The following PRRC2A variants were observed in gnomAD, a reference collection of about 807,000 sequenced individuals.
PRRC2A encodes the protein proline rich coiled-coil 2A, also known as protein PRRC2A.
A neutral mutation model predicts 224.6 loss-of-function variants in PRRC2A; 59 were observed. That is an observed-to-expected ratio of 0.26 (90% CI 0.21 to 0.33). The LOEUF (loss-of-function observed/expected upper bound fraction) is 0.33, where lower values mean the gene tolerates loss of function less well. Among genes scored for constraint, PRRC2A ranks in the 10% least tolerant of loss-of-function variants. The pLI is 1.00. For synonymous variants in PRRC2A, 1,194 were observed against 1,109.5 expected (o/e 1.08, Z -1.51); for missense variants, 3,095 against 2,880.7 (o/e 1.07, Z -1.70).
chr6:31,623,350 C>T, intron 2 of PRRC2A: 1 of 403,552 alleles, frequency 2.5e-6, no homozygotes, highest in Non-Finnish European at 4.6e-6. Flanking sequence ...TTACCACAAC[C>T]TCCACCTCCT....
intron 2 of PRRC2A, 42 bp downstream of exon 2, chr6:31,622,943 G>C: frequency 6.8e-7 from 1 of 1,476,438 alleles, no homozygotes. Context: ...TGAAAGCTAG[G>C]CATGCATGGG....
chr6:31,636,246 C>T lies in PRRC2A; in HGVS notation c.5662C>T (p.Pro1888Ser), dbSNP rs1777326373. 1 of 1,612,866 alleles carries T rather than the reference C, an allele frequency of 6.2e-7. No individual in the cohort carries two copies. The highest frequency in any genetic ancestry group is 8.5e-7 in the Non-Finnish European group (1 of 1,179,934). Residue 1888 changes from proline (P) to serine (S), a missense_variant, in exon 26 of 31, where the codon CCC becomes TCC. Pro to Ser is a moderately conservative substitution (Grantham distance 74). Coordinates refer to ENST00000376033, the MANE Select transcript of PRRC2A (RefSeq NM_004638.4). The surrounding 1 kb of genome is among the most constrained non-coding windows in gnomAD (Gnocchi z 4.3). Reference sequence around the variant, plus strand: ...ATACCTACCCCCCGGCCCAGCCCCTCCCTCAGCACTGCTCTCTGGGTTAGC... The same window carrying T: ...ATACCTACCCCCCGGCCCAGCCCCTTCCTCAGCACTGCTCTCTGGGTTAGC... ...PLYLPPGPAP[P>S]SALLSGLALK...
In PRRC2A at chr6:31,631,508, A is replaced by C; in HGVS notation, c.2835A>C (p.Pro945=). The C allele has an allele frequency of 6.2e-7, 1 of 1,602,792 alleles. No individual in the cohort carries two copies. The highest frequency in any genetic ancestry group is 1.3e-5 in the African/African-American group (1 of 74,222). The change falls in exon 16 of 31, where the codon CCA becomes CCC. Residue 945 remains proline, a synonymous_variant. Coordinates refer to ENST00000376033, the MANE Select transcript of PRRC2A (RefSeq NM_004638.4). The surrounding 1 kb of genome is among the most constrained non-coding windows in gnomAD (Gnocchi z 4.5). ...TCCCTCCAGAGGAGCCAGGGGCCCCACCCCGCCGGGCTGGGCCTATAAAGA... is the reference window on the plus strand; with the variant it reads ...TCCCTCCAGAGGAGCCAGGGGCCCCCCCCCGCCGGGCTGGGCCTATAAAGA... The part of the protein sequence containing the change: ...RGIPPEEPGA[P]PRRAGPIKKP...
At position 31,632,757 on chromosome 6, in the gene PRRC2A, G is replaced by A. The variant is rs115668528; in HGVS notation, c.4084G>A (p.Val1362Ile). 1.9e-5 allele frequency: 31 copies of A among 1,613,108 alleles called. 1 individual carries two copies. The highest frequency in any genetic ancestry group is 8.0e-5 in the African/African-American group (6 of 75,052). The change falls in exon 16 of 31, where the codon GTA (valine) becomes ATA (isoleucine). Residue 1362 changes from valine (V) to isoleucine (I), a missense_variant. Around this residue, in one of 8 missense-constraint regions of PRRC2A, gnomAD observed 2,001 missense variants for 1,764.9 expected, o/e 1.13. Coordinates refer to ENST00000376033, the MANE Select transcript of PRRC2A (RefSeq NM_004638.4). ...TCCTGGGGGAGGTGGAGGTGGAGCC[G>A]TACCAGGTATTTCAGCCATGTCCCG... Reference protein sequence around the residue: ...GTPGGGGGGAVPGISAMSRGD... With the variant: ...GTPGGGGGGAIPGISAMSRGD...
Position 31,634,903 on chromosome 6 carries a change from G to C in PRRC2A, c.5086G>C (p.Val1696Leu), listed in dbSNP as rs148877049. 6 of 1,613,024 alleles carry C rather than the reference G, an allele frequency of 3.7e-6. No homozygotes were observed. Among genetic ancestry groups the C allele is most frequent in the African/African-American group, 2.7e-5 (2 of 75,040 alleles). ...TGGAGGCTCCTCACCCCTGAATGCT[G>C]TTCCTTGTGAGGGTCCACCTGGCTC... ...RPGGSSPLNAVPCEGPPGSEP... is the reference protein window; with the variant it reads ...RPGGSSPLNALPCEGPPGSEP... Residue 1696 changes from valine to leucine, a missense_variant, in exon 21 of 31, where the codon GTT (valine) becomes CTT (leucine). By Grantham distance (32) the Val-to-Leu change is conservative. This residue lies in a region of PRRC2A where 662 missense variants were observed against 609.5 expected (regional missense o/e 1.09). Transcript: ENST00000376033.
rs773892716 is a variant in PRRC2A, at chr6:31,629,558, T to G, written c.1967T>G (p.Leu656Arg). The G allele has an allele frequency of 1.3e-6, 2 of 1,570,874 alleles. No individual in the cohort carries two copies. The highest frequency in any genetic ancestry group is 2.2e-5 in the South Asian group (2 of 90,306). Residue 656 changes from leucine to arginine, a missense_variant, in exon 14 of 31, where the codon CTG (leucine) becomes CGG (arginine). Leu to Arg is a moderately radical substitution (Grantham distance 102). Coordinates refer to ENST00000376033, the MANE Select transcript of PRRC2A (RefSeq NM_004638.4). ...RFQRQQQEQLLKQQQQHQWQQ... is the reference protein window; with the variant it reads ...RFQRQQQEQLRKQQQQHQWQQ... ...TTCCTCCTTTCCTAGGAGCAGCTCC[T>G]GAAGCAGCAGCAGCAGCACCAGTGG... is the stretch of plus-strand genomic sequence containing the variant.
Position 31,636,149 on chromosome 6 carries a change from T to G in PRRC2A, c.5625-60T>G. Reference sequence around the variant, plus strand: ...TCTAGGGTACTAGAAGCTAGTGGACTTAAGGCATTGCTAGGACTCTGGCTT... The same window carrying G: ...TCTAGGGTACTAGAAGCTAGTGGACGTAAGGCATTGCTAGGACTCTGGCTT... On this transcript the variant is annotated intron_variant, in intron 25 of 30. Coordinates refer to ENST00000376033, the MANE Select transcript of PRRC2A (RefSeq NM_004638.4). The surrounding 1 kb of genome is among the most constrained non-coding windows in gnomAD (Gnocchi z 4.3). 2 of 1,570,690 alleles carry G rather than the reference T, an allele frequency of 1.3e-6. No individual in the cohort carries two copies. Among genetic ancestry groups the G allele is most frequent in the East Asian group, 4.5e-5 (2 of 44,612 alleles).
In PRRC2A at chr6:31,634,188, C is replaced by T. The variant is rs1777040150; in HGVS notation, c.4720-48C>T. ...CTCTGTCCTGGCTTCCTATAATTCC[C>T]AATTCCCACCCAATTCATGTTTTGC... is the stretch of plus-strand genomic sequence containing the variant. On this transcript the variant is annotated intron_variant, in intron 18 of 30. Coordinates refer to ENST00000376033, the MANE Select transcript of PRRC2A (RefSeq NM_004638.4). The T allele has an allele frequency of 3.2e-6, 5 of 1,573,126 alleles. No homozygotes were observed. The African/African-American group carries it at 6.9e-5, about 22-fold the overall frequency.
chr6:31,626,848 G>T lies in PRRC2A; in HGVS notation c.1059G>T (p.Glu353Asp). ...AAGATGGGCGAGACTCTGATGAGGA[G>T]GGTGCTGAGGGCCAGTGAGTTAGGG... The part of the protein sequence containing the change: ...DEEDGRDSDE[E>D]GAEGHRDSQS... The change falls in exon 10 of 31, where the codon GAG becomes GAT. Residue 353 changes from glutamate (E) to aspartate (D), a missense_variant. Around this residue, in one of 8 missense-constraint regions of PRRC2A, gnomAD observed 2,001 missense variants for 1,764.9 expected, o/e 1.13. Coordinates refer to ENST00000376033, the MANE Select transcript of PRRC2A (RefSeq NM_004638.4). The T allele has an allele frequency of 6.2e-7, 1 of 1,608,596 alleles. No individual in the cohort carries two copies. Among genetic ancestry groups the T allele is most frequent in the East Asian group, 2.2e-5 (1 of 44,788 alleles).
At chr6:31,635,910 A>T (rs939174909) in intron 24 of PRRC2A, 57 bp from the exon 25 acceptor site, 1 of 1,501,092 alleles carries the variant, frequency 6.7e-7, no homozygotes, top group African/African-American at 1.4e-5. Flanking sequence ...TGGGATGGTG[A>T]TCTTTTTTCT....
chr6:31,630,586 T>C lies in PRRC2A; in HGVS notation c.2255-5T>C, dbSNP rs370604458. 1 of 1,614,116 alleles carries C rather than the reference T, an allele frequency of 6.2e-7. No individual in the cohort carries two copies. The highest frequency in any genetic ancestry group is 1.3e-5 in the African/African-American group (1 of 75,030). ...ATTATTTTTCTTTTTCTTTGGTTTC[T>C]TCAGGCCTAGTTCCCCGAGAGCGTT... On this transcript the variant is annotated splice_polypyrimidine_tract_variant and splice_region_variant and intron_variant, in intron 14 of 30. Transcript: ENST00000376033.
chr6:31,628,125 C>G lies in PRRC2A; in HGVS notation c.1651C>G (p.Gln551Glu). Residue 551 changes from glutamine (Q) to glutamate (E), a missense_variant, in exon 12 of 31, where the codon CAG becomes GAG. Coordinates refer to ENST00000376033, the MANE Select transcript of PRRC2A (RefSeq NM_004638.4). ...TPETEPEEPA[Q>E]APPAQSTPTP... ...AGAGACAGAACCTGAAGAGCCAGCA[C>G]AGGCCCCTCCTGCCCAATCTACTCC... 6.2e-7 allele frequency: 1 copy of G among 1,613,168 alleles called. No individual in the cohort carries two copies. The highest frequency in any genetic ancestry group is 8.5e-7 in the Non-Finnish European group (1 of 1,180,016).
At position 31,623,741 on chromosome 6, in the gene PRRC2A, G is replaced by T; in HGVS notation, c.122G>T (p.Arg41Leu). ...LEIQKPAVAP[R>L]HGLQSLGKVA... ...CCGTCTTGTTCTCCAGTTGCCCCTC[G>T]CCATGGCCTGCAGAGTCTCGGGAAA... The change falls in exon 3 of 31, where the codon CGC (arginine) becomes CTC (leucine). Residue 41 changes from arginine (R) to leucine (L), a missense_variant. Physicochemically the swap from Arg to Leu is moderately radical, Grantham distance 102. This residue lies in a region of PRRC2A where 64 missense variants were observed against 68.2 expected (regional missense o/e 0.94). Transcript: ENST00000376033. 6.2e-7 allele frequency: 1 copy of T among 1,614,016 alleles called. No individual in the cohort carries two copies. The highest frequency in any genetic ancestry group is 8.5e-7 in the Non-Finnish European group (1 of 1,179,954).
chr6:31,622,403 A>G (rs1298904090), intron 1 of PRRC2A, among the ~76,000 whole-genome samples: 1 of 152,142 alleles, frequency 6.6e-6, no homozygotes, highest in African/African-American at 2.4e-5. Flanking sequence ...TGGTGGAGAG[A>G]GAAGAGATTA....
At position 31,631,846 on chromosome 6, in the gene PRRC2A, G is replaced by T. The variant is rs148352770; in HGVS notation, c.3173G>T (p.Arg1058Leu). The T allele has an allele frequency of 2.7e-5, 44 of 1,605,612 alleles. No individual in the cohort carries two copies. Among genetic ancestry groups the T allele is most frequent in the Non-Finnish European group, 3.5e-5 (41 of 1,175,964 alleles). Reference protein sequence around the residue: ...GARSREFRSYREFRGDDGRGG... With the variant: ...GARSREFRSYLEFRGDDGRGG... ...CGAAGCCGGGAATTCCGCAGTTACC[G>T]AGAGTTTCGAGGAGATGATGGGCGT... The change falls in exon 16 of 31, where the codon CGA becomes CTA. Residue 1058 changes from arginine (R) to leucine (L), a missense_variant. Arg to Leu is a moderately radical substitution (Grantham distance 102). This residue lies in a region of PRRC2A where 2,001 missense variants were observed against 1,764.9 expected (regional missense o/e 1.13). Coordinates refer to ENST00000376033, the MANE Select transcript of PRRC2A (RefSeq NM_004638.4). This position sits in a 1 kb window ranked among gnomAD's most constrained non-coding sequence, Gnocchi z 4.5.
chr6:31,620,956 G>C (rs539121016), intron 1 of PRRC2A, 98 bp downstream of exon 1: 1 of 156,020 alleles, frequency 6.4e-6, no homozygotes. Flanking sequence ...GGGCCGGGGG[G>C]AGGAGAAGCT....
chr6:31,637,769 A>C lies in PRRC2A; in HGVS notation c.*183A>C, dbSNP rs933202007. The stretch of plus-strand genomic sequence containing the variant: ...GAGTAATAAAAGGATTTAAAAAAAA[A>C]AACTTCTACAATGATTTGGGGGATG... On this transcript the variant is annotated 3_prime_UTR_variant, in exon 31 of 31. Coordinates refer to ENST00000376033, the MANE Select transcript of PRRC2A (RefSeq NM_004638.4). 4 of 433,004 alleles carry C rather than the reference A, an allele frequency of 9.2e-6. No individual in the cohort carries two copies. The highest frequency in any genetic ancestry group is 6.1e-5 in the African/African-American group (3 of 48,862). 26.8% of individuals were successfully genotyped at this position (433,004 alleles called of 1,614,324 possible). A position where few individuals can be genotyped will look rare whatever the true frequency, so the allele number is the denominator to read the frequency against.
chr6:31,635,351 T>TA, intron 22 of PRRC2A, 43 bp from the exon 23 acceptor site: 1 of 1,613,984 alleles, frequency 6.2e-7, no homozygotes, highest in Non-Finnish European at 8.5e-7. Flanking sequence ...AGAGGACACA[T>TA]GTCTGTCACG....
Position 31,633,426 on chromosome 6 carries a change from C to G in PRRC2A, c.4367C>G (p.Pro1456Arg), listed in dbSNP as rs750801668. 4 of 1,613,088 alleles carry G rather than the reference C, an allele frequency of 2.5e-6. No individual in the cohort carries two copies. Among genetic ancestry groups the G allele is most frequent in the Non-Finnish European group, 3.4e-6 (4 of 1,180,022 alleles). ...CCGGGGCTTCCCCTGCCTCCCCCACCTCCCAGCAGTTCTGCTGTCTTCCGC... is the reference window on the plus strand; with the variant it reads ...CCGGGGCTTCCCCTGCCTCCCCCACGTCCCAGCAGTTCTGCTGTCTTCCGC... ...RPPGLPLPPP[P>R]PSSSAVFRLD... Residue 1456 changes from proline (P) to arginine (R), a missense_variant, in exon 17 of 31, where the codon CCT (proline) becomes CGT (arginine). Transcript: ENST00000376033.
Sources: allele counts gnomAD v4.1 joint callset (sites outside exome capture counted in the v4.1 genomes callset), GRCh38; gene constraint gnomAD v4.1.1; regional missense constraint gnomAD v4.1.1; non-coding constraint Gnocchi (gnomAD v3.1); transcripts MANE v1.5; gene names NCBI Gene and HGNC (gene_info 2026-07-23, HGNC 2026-07-21).